ITGB2: variants seen among roughly 807,000 people sequenced by gnomAD.
ITGB2 encodes integrin beta-2.
In ITGB2, 56 loss-of-function variants were observed where a neutral mutation model predicts 86.8. That is an observed-to-expected ratio of 0.65 (90% CI 0.52 to 0.81). ITGB2 has a LOEUF of 0.81. Among genes scored for constraint, ITGB2 ranks in the 30% least tolerant of loss-of-function variants. The pLI is 0.00. For missense variants in ITGB2, 948 were observed against 1,061.2 expected, an observed-to-expected ratio of 0.89 and a Z score of 1.48; for synonymous variants, 457 against 450.4, an observed-to-expected ratio of 1.01 and a Z score of -0.19.
chr21:44,921,279 T>C (rs1425964682), upstream of ITGB2: 1 of 152,068 alleles, frequency 6.6e-6, no homozygotes, highest in Admixed American at 6.6e-5. Flanking sequence ...GGGAGCAAAT[T>C]CCTGAGCCAG....
intron 1 of ITGB2, among the ~76,000 whole-genome samples, chr21:44,911,921 G>A (rs939764389): frequency 6.6e-6 from 1 of 152,122 alleles, no homozygotes; most frequent in Non-Finnish European, 1.5e-5. Flanking sequence ...TCCTAGGTGG[G>A]GTGGGCCCCT....
chr21:44,915,169 T>G (rs751883319), intron 1 of ITGB2, among the ~76,000 whole-genome samples: 21 of 151,980 alleles, frequency 1.4e-4, no homozygotes, highest in Non-Finnish European at 2.4e-4. Context: ...GACTACAGGC[T>G]CCCACGACCA....
intron 15 of ITGB2, 124 bp from the exon 16 acceptor site, chr21:44,886,554 C>G: frequency 7.2e-7 from 1 of 1,392,408 alleles, no homozygotes; most frequent in Non-Finnish European, 1.0e-6. Context: ...TGGGGCAGCC[C>G]CCCCAGGGTC....
In ITGB2 at chr21:44,901,569, C is replaced by T. The variant is rs750976706; in HGVS notation, c.664G>A (p.Gly222Arg). The T allele has an allele frequency of 3.1e-6, 5 of 1,614,286 alleles. No individual in the cohort carries two copies. Among genetic ancestry groups the T allele is most frequent in the Non-Finnish European group, 3.4e-6 (4 of 1,180,050 alleles). Residue 222 changes from glycine (G) to arginine (R), a missense_variant, in exon 6 of 16, where the codon GGG becomes AGG. Transcript: ENST00000652462. ...NNSNQFQTEV[G>R]KQLISGNLDA... ...AGGTTTCCGGAAATCAGCTGCTTCCCGACCTCGGTCTGAAACTGGTTGGAG... is the reference window on the plus strand; with the variant it reads ...AGGTTTCCGGAAATCAGCTGCTTCCTGACCTCGGTCTGAAACTGGTTGGAG...
intron 4 of ITGB2, among the ~76,000 whole-genome samples, chr21:44,904,844 CCA>C (rs1368744255): frequency 1.3e-5 from 2 of 151,814 alleles, no homozygotes; most frequent in African/African-American, 4.8e-5. Flanking sequence ...TACACACACA[CCA>C]CACACACATG....
In ITGB2 at chr21:44,900,488, C is replaced by T. The variant is rs5030670; in HGVS notation, c.742-13G>A. 0.15 allele frequency: 234,224 copies of T among 1,613,112 alleles called. 18,231 individuals are homozygous for T. Among genetic ancestry groups the T allele is most frequent in the Non-Finnish European group, 0.16 (190,793 of 1,179,590 alleles). On this transcript the variant is annotated splice_polypyrimidine_tract_variant and intron_variant, in intron 6 of 15. Transcript: ENST00000652462. Reference sequence around the variant, plus strand: ...AGCCGATTTCCTCCTGAGAAGAAGGCGTGGGGGGCAGGGTTACCTGCCTCA... The same window carrying T: ...AGCCGATTTCCTCCTGAGAAGAAGGTGTGGGGGGCAGGGTTACCTGCCTCA...
Position 44,890,069 on chromosome 21 carries a change from G to A in ITGB2, c.1566C>T (p.Ser522=), listed in dbSNP as rs750588799. The change falls in exon 12 of 16, where the codon AGC becomes AGT. Residue 522 remains serine (S), a synonymous_variant. Transcript: ENST00000652462. The part of the protein sequence containing the change: ...CVCGQCLCHT[S]DVPGKLIYGQ... Reference sequence around the variant, plus strand: ...CGTATATCAGCTTGCCGGGGACGTCGCTGGTGTGGCACAGGCACTGCCCGC... The same window carrying A: ...CGTATATCAGCTTGCCGGGGACGTCACTGGTGTGGCACAGGCACTGCCCGC... 1.1e-5 allele frequency: 18 copies of A among 1,613,312 alleles called. No homozygotes were observed. The highest frequency in any genetic ancestry group is 1.6e-4 in the Middle Eastern group (1 of 6,084).
chr21:44,890,830 C>A (rs1452357840), intron 11 of ITGB2, among the ~76,000 whole-genome samples: 1 of 152,000 alleles, frequency 6.6e-6, no homozygotes, highest in Non-Finnish European at 1.5e-5. Flanking sequence ...TGGCAGGGCA[C>A]CCCCCGACAC....
At chr21:44,920,298 C>A (rs569793791) in intron 1 of ITGB2, among the ~76,000 whole-genome samples, 1 of 152,018 alleles carries the variant, frequency 6.6e-6, no homozygotes, top group African/African-American at 2.4e-5. Context: ...CACACCATGC[C>A]ACACTACACA....
At chr21:44,917,834 C>A (rs747421481) in intron 1 of ITGB2, among the ~76,000 whole-genome samples, 21 of 152,222 alleles carry the variant, frequency 1.4e-4, no homozygotes, top group Non-Finnish European at 2.9e-4. Flanking sequence ...GGAAGGTGTT[C>A]CCCTGGGGCT....
rs367847454 is a variant in ITGB2 at position 44,908,864 on chromosome 21, C to T, written c.147+1420G>A. Among the ~76,000 whole-genome samples, 53 of 152,286 alleles carry T rather than the reference C, an allele frequency of 3.5e-4. No individual in the cohort carries two copies. The South Asian group carries it at 1.0e-2, about 29-fold the overall frequency. Reference sequence around the variant, plus strand: ...CCAGAAAGCAAGAAAGTGCTCAGAACGGTAGAACGGGGATGCATGGACAGG... The same window carrying T: ...CCAGAAAGCAAGAAAGTGCTCAGAATGGTAGAACGGGGATGCATGGACAGG... On this transcript the variant is annotated intron_variant, in intron 3 of 15. Coordinates refer to ENST00000652462, the MANE Select transcript of ITGB2 (RefSeq NM_000211.5).
rs199665785 is a variant in ITGB2 at position 44,900,490 on chromosome 21, T to C, written c.742-15A>G. 883 of 1,613,158 alleles carry C rather than the reference T, an allele frequency of 5.5e-4. No homozygotes were observed. Among genetic ancestry groups the C allele is most frequent in the Non-Finnish European group, 6.8e-4 (800 of 1,179,770 alleles). ...CCGATTTCCTCCTGAGAAGAAGGCG[T>C]GGGGGGCAGGGTTACCTGCCTCAGT... is the stretch of plus-strand genomic sequence containing the variant. On this transcript the variant is annotated splice_polypyrimidine_tract_variant and intron_variant, in intron 6 of 15. Transcript: ENST00000652462.
chr21:44,890,332 A>G (rs1423745653), intron 11 of ITGB2, 110 bp from the exon 12 acceptor site: 2 of 1,432,532 alleles, frequency 1.4e-6, no homozygotes, highest in East Asian at 2.3e-5. Flanking sequence ...CCCCTATGGC[A>G]CATTTTGCTT....
At chr21:44,898,161 G>A (rs61371515) in intron 8 of ITGB2, among the ~76,000 whole-genome samples, 4,375 of 152,238 alleles carry the variant, frequency 0.029, 193 homozygotes, top group African/African-American at 0.095. Context: ...TAGAGACTGA[G>A]GTCAGCCATG....
At chr21:44,889,216 TG>T in intron 13 of ITGB2, 59 bp downstream of exon 13, 1 of 1,536,854 alleles carries the variant, frequency 6.5e-7, no homozygotes, top group Non-Finnish European at 9.0e-7. Context: ...GCCCGGCTGC[TG>T]GGTAGGTGGC....
intron 12 of ITGB2, 54 bp from the exon 13 acceptor site, chr21:44,889,549 C>G: frequency 6.8e-7 from 1 of 1,473,284 alleles, no homozygotes; most frequent in African/African-American, 1.4e-5. Flanking sequence ...AACCGAGACC[C>G]GCCCGAAACC....
At chr21:44,917,324 C>G (rs1280342201) in intron 1 of ITGB2, among the ~76,000 whole-genome samples, 3 of 152,164 alleles carry the variant, frequency 2.0e-5, no homozygotes, top group African/African-American at 7.2e-5. Flanking sequence ...AAAAGAGAGA[C>G]ACAGTTCCAA....
intron 2 of ITGB2, 117 bp downstream of exon 2, chr21:44,910,608 G>T: frequency 7.1e-7 from 1 of 1,403,328 alleles, no homozygotes; most frequent in Non-Finnish European, 9.9e-7. Context: ...ACCCCCAGTG[G>T]CAAGGTCCTT....
chr21:44,925,452 G>T (rs1014871435), upstream of ITGB2, among the ~76,000 whole-genome samples: 1 of 148,976 alleles, frequency 6.7e-6, no homozygotes, highest in Non-Finnish European at 1.5e-5. Context: ...AGGAAGGAAG[G>T]AAGGAAGGAA....
Sources: allele counts gnomAD v4.1 joint callset (sites outside exome capture counted in the v4.1 genomes callset), GRCh38; gene constraint gnomAD v4.1.1; transcripts MANE v1.5; gene names NCBI Gene and HGNC (gene_info 2026-07-23, HGNC 2026-07-21).